The following CEP85L variants were observed in gnomAD, a reference collection of about 807,000 sequenced individuals.
The protein encoded by CEP85L is centrosomal protein 85L.
A neutral mutation model predicts 100.3 loss-of-function variants in CEP85L; 60 were observed. The observed-to-expected ratio is 0.60, with a 90% CI of 0.49 to 0.74. CEP85L has a LOEUF of 0.74. CEP85L is among the 30% of genes least tolerant of loss of function. The pLI is 0.00. For missense variants in CEP85L, 973 were observed against 936.2 expected (o/e 1.04, Z -0.51); for synonymous variants, 319 against 322.7 (o/e 0.99, Z 0.12).
intron 1 of CEP85L, among the ~76,000 whole-genome samples, chr6:118,680,491 A>G (rs1003835792): frequency 7.2e-5 from 11 of 152,154 alleles, no homozygotes; most frequent in Admixed American, 6.5e-5. Context: ...TAGGACTGAC[A>G]TGTGTACTCA....
chr6:118,541,362 C>A (rs573322171), intron 3 of CEP85L, among the ~76,000 whole-genome samples: 3 of 152,174 alleles, frequency 2.0e-5, no homozygotes, highest in Non-Finnish European at 4.4e-5. Context: ...ATAGCAAAAC[C>A]ATGTATAACT....
chr6:118,626,908 A>C (rs1773833749), intron 2 of CEP85L, among the ~76,000 whole-genome samples: 1 of 152,204 alleles, frequency 6.6e-6, no homozygotes, highest in South Asian at 2.1e-4. Context: ...TCAACAGTAA[A>C]GAAGAAAACT....
intron 3 of CEP85L, among the ~76,000 whole-genome samples, chr6:118,547,702 T>A (rs1489201303): frequency 6.6e-6 from 1 of 152,148 alleles, no homozygotes; most frequent in Admixed American, 6.6e-5. Context: ...ATGAATTAAA[T>A]ACATTTATTA....
Position 118,616,877 on chromosome 6 carries a change from G to A in CEP85L, c.232+15576C>T, listed in dbSNP as rs180805331. On this transcript the variant is annotated intron_variant, in intron 2 of 12. Coordinates refer to ENST00000368491, the MANE Select transcript of CEP85L (RefSeq NM_001042475.3). ...GGAGAATCACTTGAACCCGGGAGGC[G>A]GAGCTTGCAGTGAACCATGATAGTG... 3.8e-3 allele frequency among the ~76,000 whole-genome samples: 569 copies of A among 151,122 alleles called. 13 individuals carry two copies. The highest frequency in any genetic ancestry group is 8.1e-4 in the Non-Finnish European group (55 of 67,766).
chr6:118,680,415 A>G (rs1359388683), intron 1 of CEP85L, among the ~76,000 whole-genome samples: 1 of 115,880 alleles, frequency 8.6e-6, no homozygotes, highest in African/African-American at 3.8e-5. Flanking sequence ...TAATCCCTCA[A>G]AATTCCAACC....
upstream of CEP85L, among the ~76,000 whole-genome samples, chr6:118,653,721 A>G (rs1284338264): frequency 6.6e-6 from 1 of 151,058 alleles, no homozygotes; most frequent in Admixed American, 6.6e-5. Context: ...CTGTGCAGAT[A>G]TAAGTAATGA....
chr6:118,493,189 G>A (rs182081273), intron 5 of CEP85L, among the ~76,000 whole-genome samples: 6 of 152,216 alleles, frequency 3.9e-5, no homozygotes, highest in Admixed American at 3.3e-4. Flanking sequence ...TGGCAAGAAT[G>A]GAAAAAGGAA....
chr6:118,523,768 G>A, intron 4 of CEP85L, 34 bp downstream of exon 4: 1 of 999,676 alleles, frequency 1.0e-6, no homozygotes, highest in Non-Finnish European at 1.5e-6. Flanking sequence ...ATTTCTGTAG[G>A]CCTGAAATAT....
chr6:118,644,305 C>T (rs756809990), intron 1 of CEP85L, among the ~76,000 whole-genome samples: 6 of 152,088 alleles, frequency 3.9e-5, no homozygotes, highest in African/African-American at 7.2e-5. Flanking sequence ...TGTCTTTGGA[C>T]GGCACATCTT....
At chr6:118,645,212 T>C (rs1775103148) in intron 1 of CEP85L, among the ~76,000 whole-genome samples, 1 of 152,152 alleles carries the variant, frequency 6.6e-6, no homozygotes. Context: ...TCTGGCTTCT[T>C]CTCATCATTC....
chr6:118,679,552 C>T (rs922361593), intron 1 of CEP85L, among the ~76,000 whole-genome samples: 1 of 152,160 alleles, frequency 6.6e-6, no homozygotes. Flanking sequence ...TGTAACTTTG[C>T]CTAACATGTC....
intron 4 of CEP85L, among the ~76,000 whole-genome samples, chr6:118,516,525 G>A (rs143451116): frequency 1.5e-3 from 233 of 152,134 alleles, no homozygotes; most frequent in African/African-American, 5.3e-3. Context: ...TTTTTTTCAC[G>A]TTTGTTGGCC....
chr6:118,639,899 T>G (rs952549749), intron 1 of CEP85L, among the ~76,000 whole-genome samples: 3 of 152,198 alleles, frequency 2.0e-5, no homozygotes, highest in Non-Finnish European at 4.4e-5. Flanking sequence ...GTTTGGTGGT[T>G]GTTGTCTGCT....
At chr6:118,702,883 C>A (rs1464096053) in intron 1 of CEP85L, among the ~76,000 whole-genome samples, 1 of 151,566 alleles carries the variant, frequency 6.6e-6, no homozygotes, top group South Asian at 2.1e-4. Flanking sequence ...GTAGTCCCAG[C>A]TACTCGGGAG....
chr6:118,497,571 G>A (rs2114642120), intron 5 of CEP85L, among the ~76,000 whole-genome samples: 1 of 152,182 alleles, frequency 6.6e-6, no homozygotes, highest in East Asian at 1.9e-4. Context: ...CCCCTCCCCA[G>A]GTCTGTGGAG....
intron 1 of CEP85L, among the ~76,000 whole-genome samples, chr6:118,641,221 T>A (rs539645037): frequency 6.6e-6 from 1 of 152,334 alleles, no homozygotes; most frequent in South Asian, 2.1e-4. Flanking sequence ...CTAGCATGTT[T>A]ACAACTACTT....
At chr6:118,491,108 CTCCACGCTGTTT>C (rs1212261426) in intron 6 of CEP85L, among the ~76,000 whole-genome samples, 1 of 151,642 alleles carries the variant, frequency 6.6e-6, no homozygotes, top group Non-Finnish European at 1.5e-5. Context: ...CCACGCTGTT[CTCCACGCTGTTT>C]TCCATAGTTG....
chr6:118,631,900 A>G (rs896081429), intron 2 of CEP85L, among the ~76,000 whole-genome samples: 1 of 152,224 alleles, frequency 6.6e-6, no homozygotes, highest in African/African-American at 2.4e-5. Context: ...TTACAACACT[A>G]TTATTTCTTA....
In CEP85L at chr6:118,565,964, T is replaced by C; in HGVS notation, c.585A>G (p.Gln195=). 6.2e-7 allele frequency: 1 copy of C among 1,614,214 alleles called. No homozygotes were observed. Among genetic ancestry groups the C allele is most frequent in the Non-Finnish European group, 8.5e-7 (1 of 1,180,040 alleles). ...AACAGCTAGGCCCAATTGTCCTCAG[T>C]TGTGATGTTAAAGCCTTAGCCTTCC... ...KIGKAKALTS[Q]LRTIGPSCLH... is the part of the protein sequence containing the mutation. Residue 195 remains glutamine (Q), a synonymous_variant, in exon 3 of 13, where the codon CAA becomes CAG. Transcript: ENST00000368491.
Sources: allele counts gnomAD v4.1 joint callset (sites outside exome capture counted in the v4.1 genomes callset), GRCh38; gene constraint gnomAD v4.1.1; transcripts MANE v1.5; gene names NCBI Gene and HGNC (gene_info 2026-07-23, HGNC 2026-07-21).